The following TTC39C variants were observed in gnomAD, a reference collection of about 807,000 sequenced individuals.
TTC39C encodes the protein tetratricopeptide repeat protein 39C.
Under a neutral mutation model 76.3 loss-of-function variants are expected in TTC39C, and 33 were observed. The observed-to-expected ratio is 0.43, with a 90% CI of 0.33 to 0.58. The LOEUF (loss-of-function observed/expected upper bound fraction) is 0.58. Ranked by LOEUF, TTC39C falls within the 20% of genes least tolerant of loss-of-function variation. The pLI, the probability that TTC39C is intolerant of heterozygous loss-of-function variation, is 0.04. For missense variants in TTC39C, 595 were observed against 701.4 expected, an observed-to-expected ratio of 0.85 and a Z score of 1.71; for synonymous variants, 254 against 260.6, an observed-to-expected ratio of 0.97 and a Z score of 0.24.
chr18:24,124,157 T>TA (rs2085015310), intron 9 of TTC39C: 2 of 411,178 alleles, frequency 4.9e-6, no homozygotes, highest in African/African-American at 2.1e-5. Flanking sequence ...AGCAGATTTT[T>TA]AAAAAATCGA....
chr18:24,081,412 G>A (rs1366234941), intron 5 of TTC39C, among the ~76,000 whole-genome samples: 2 of 152,154 alleles, frequency 1.3e-5, no homozygotes, highest in East Asian at 1.9e-4. Context: ...GTCATGTTAT[G>A]TTCCTTGGTT....
intron 1 of TTC39C, among the ~76,000 whole-genome samples, chr18:24,026,218 A>G (rs566244858): frequency 1.2e-4 from 18 of 151,886 alleles, no homozygotes; most frequent in Non-Finnish European, 2.1e-4. Flanking sequence ...TTCCCACCCA[A>G]CTCTTCCTAA....
intron 1 of TTC39C, chr18:24,015,326 A>C: frequency 2.8e-5 from 8 of 281,228 alleles, no homozygotes; most frequent in Middle Eastern, 9.9e-4. Flanking sequence ...TCGCCCTCCC[A>C]CAGACGTGCC....
intron 6 of TTC39C, among the ~76,000 whole-genome samples, chr18:24,099,005 A>ATGTGTGTG (rs71373362): frequency 0.047 from 6,113 of 130,482 alleles, 193 homozygotes; most frequent in South Asian, 0.12. Context: ...AGTTAGAGGA[A>ATGTGTGTG]TGTGTGTGTG....
rs963085608 is a variant in TTC39C at position 24,003,022 on chromosome 18, A to C, written c.-17+9984A>C. Among the ~76,000 whole-genome samples, 13 of 152,166 alleles carry C rather than the reference A, an allele frequency of 8.5e-5. 1 individual carries two copies. In the South Asian group the frequency reaches 1.7e-3, roughly 19 times the overall value. ...TCTGACCATGTCATTCCCCTGTCCT[A>C]AGTTCTCGTTGGCTCCTCTTTGCCT... is the stretch of plus-strand genomic sequence containing the variant. On this transcript the variant is annotated intron_variant, in intron 1 of 13. Transcript: ENST00000304621.
chr18:24,086,061 G>GTTTAT (rs2084435446), intron 6 of TTC39C, among the ~76,000 whole-genome samples: 2 of 152,180 alleles, frequency 1.3e-5, no homozygotes, highest in Non-Finnish European at 2.9e-5. Context: ...AGGCCTTGAA[G>GTTTAT]GCCCTGACTC....
At position 24,113,985 on chromosome 18, in the gene TTC39C, A is replaced by C. The variant is rs186845294; in HGVS notation, c.985-569A>C. 741 of 384,568 alleles carry C rather than the reference A, an allele frequency of 1.9e-3. 2 individuals are homozygous for C. The highest frequency in any genetic ancestry group is 2.6e-3 in the Non-Finnish European group (540 of 204,088). The allele number at this position is 384,568 out of a possible 1,614,324, so 23.8% of individuals were successfully genotyped here. A position where few individuals can be genotyped will look rare whatever the true frequency, so the allele number is the denominator to read the frequency against. ...GGAGAACAGCATTCTAGGGTATAGA[A>C]GCAAACTATCAACTGTATGGTGAAG... On this transcript the variant is annotated intron_variant, in intron 6 of 13. Transcript: ENST00000317571.
intron 1 of TTC39C, chr18:24,022,441 A>C (rs564781331): frequency 2.3e-5 from 9 of 386,246 alleles, no homozygotes; most frequent in Non-Finnish European, 3.2e-5. Context: ...AAGTGGCCCA[A>C]CTCGGGTCTC....
At chr18:23,999,722 T>C (rs934863220) in intron 1 of TTC39C, among the ~76,000 whole-genome samples, 3 of 152,134 alleles carry the variant, frequency 2.0e-5, no homozygotes, top group Admixed American at 2.0e-4. Flanking sequence ...CATCTGCAGA[T>C]AGTGGCAGAG....
intron 1 of TTC39C, among the ~76,000 whole-genome samples, chr18:24,059,700 A>G (rs1401565610): frequency 6.6e-6 from 1 of 152,182 alleles, no homozygotes; most frequent in Non-Finnish European, 1.5e-5. Context: ...CTTTAGAACA[A>G]TTTATAGTTT....
chr18:24,024,302 C>A (rs914342660), intron 1 of TTC39C, among the ~76,000 whole-genome samples: 1 of 151,524 alleles, frequency 6.6e-6, no homozygotes, highest in Non-Finnish European at 1.5e-5. Flanking sequence ...TGAGCCACCG[C>A]GCCTGGCCTA....
intron 1 of TTC39C, among the ~76,000 whole-genome samples, chr18:23,999,902 C>T (rs1022965911): frequency 6.6e-6 from 1 of 152,212 alleles, no homozygotes; most frequent in Admixed American, 6.5e-5. Context: ...TTGCAAGCCA[C>T]AAAAACTTAC....
At chr18:24,012,430 A>T (rs912120384), upstream of TTC39C, among the ~76,000 whole-genome samples, 3 of 152,182 alleles carry the variant, frequency 2.0e-5, no homozygotes, top group Admixed American at 6.5e-5. Context: ...TTCTTGAGAC[A>T]GAACTAGCCC....
chr18:24,133,149 A>G lies in TTC39C; in HGVS notation c.*575A>G, dbSNP rs1397430941. ...CTTATCCCAATTAATTATTCCTGTT[A>G]TCAGCAGAGCAATGAATAGAAAGCA... On this transcript the variant is annotated 3_prime_UTR_variant, in exon 14 of 14. Transcript: ENST00000317571. The G allele has an allele frequency of 6.6e-6, 1 of 152,256 alleles. No homozygotes were observed. Among genetic ancestry groups the G allele is most frequent in the East Asian group, 1.9e-4 (1 of 5,198 alleles). The allele number at this position is 152,256 out of a possible 1,614,324, so 9.4% of individuals were successfully genotyped here.
intron 6 of TTC39C, among the ~76,000 whole-genome samples, chr18:24,106,946 A>G (rs572177125): frequency 6.6e-6 from 1 of 152,280 alleles, no homozygotes; most frequent in South Asian, 2.1e-4. Context: ...TGGCGTCCCA[A>G]AGTGCTGGGA....
At chr18:24,124,948 A>G (rs2085028840) in intron 9 of TTC39C, among the ~76,000 whole-genome samples, 2 of 152,182 alleles carry the variant, frequency 1.3e-5, no homozygotes, top group Non-Finnish European at 2.9e-5. Flanking sequence ...GCTGGAGTGC[A>G]ATGGCGTAAT....
At position 23,995,234 on chromosome 18, in the gene TTC39C, G is replaced by A. The variant is rs147558009; in HGVS notation, c.-17+2196G>A. 6.7e-3 allele frequency among the ~76,000 whole-genome samples: 1,017 copies of A among 152,214 alleles called. 14 individuals are homozygous for A. The highest frequency in any genetic ancestry group is 0.023 in the African/African-American group (970 of 41,524). On this transcript the variant is annotated intron_variant, in intron 1 of 13. Transcript: ENST00000304621. Reference sequence around the variant, plus strand: ...TGTAATTCTAGCACTTTGGGAGGCCGAGACGGGTGGATCACTTGAGGTCAG... The same window carrying A: ...TGTAATTCTAGCACTTTGGGAGGCCAAGACGGGTGGATCACTTGAGGTCAG...
intron 8 of TTC39C, among the ~76,000 whole-genome samples, chr18:24,122,132 A>G (rs1323373562): frequency 6.6e-6 from 1 of 152,086 alleles, no homozygotes; most frequent in African/African-American, 2.4e-5. Context: ...ATGGTAGCCT[A>G]TCCTGGTACG....
intron 1 of TTC39C, among the ~76,000 whole-genome samples, chr18:24,051,519 C>T (rs2083948793): frequency 6.6e-6 from 1 of 152,136 alleles, no homozygotes; most frequent in East Asian, 1.9e-4. Context: ...AGGGTGGGCA[C>T]ATGATAAAAA....
Sources: allele counts gnomAD v4.1 joint callset (sites outside exome capture counted in the v4.1 genomes callset), GRCh38; gene constraint gnomAD v4.1.1; transcripts MANE v1.5; gene names NCBI Gene and HGNC (gene_info 2026-07-23, HGNC 2026-07-21).